Variants in LRMDA observed in about 807,000 individuals in gnomAD.
The protein encoded by LRMDA is leucine rich melanocyte differentiation associated.
A neutral mutation model predicts 29.8 loss-of-function variants in LRMDA; 18 were observed. That is an observed-to-expected ratio of 0.60 (90% CI 0.42 to 0.90). LRMDA has a LOEUF of 0.90. Among genes scored for constraint, LRMDA ranks in the 40% least tolerant of loss-of-function variants. LRMDA has a pLI of 0.00. For synonymous variants in LRMDA, 125 were observed against 109.4 expected, an observed-to-expected ratio of 1.14 and a Z score of -0.89; for missense variants, 273 against 273.9, an observed-to-expected ratio of 1.00 and a Z score of 0.02.
At chr10:76,537,614 C>G (rs939726204) in intron 6 of LRMDA, among the ~76,000 whole-genome samples, 3 of 152,212 alleles carry the variant, frequency 2.0e-5, no homozygotes, top group Non-Finnish European at 4.4e-5. Context: ...ACCGCTCTGA[C>G]GGCTTTTCCA....
intron 2 of LRMDA, among the ~76,000 whole-genome samples, chr10:76,016,096 T>C (rs1227631964): frequency 6.6e-6 from 1 of 152,240 alleles, no homozygotes; most frequent in African/African-American, 2.4e-5. Context: ...TTTCCACACG[T>C]CGACATCTTG....
intron 2 of LRMDA, among the ~76,000 whole-genome samples, chr10:75,879,011 G>A (rs1845248319): frequency 6.6e-6 from 1 of 152,136 alleles, no homozygotes; most frequent in Non-Finnish European, 1.5e-5. Context: ...CACTTACCTA[G>A]GTCTGCTGTC....
intron 2 of LRMDA, among the ~76,000 whole-genome samples, chr10:76,020,500 A>G (rs1847955805): frequency 6.6e-6 from 1 of 152,222 alleles, no homozygotes; most frequent in Admixed American, 6.5e-5. Context: ...TTGAACCTCC[A>G]GATTGGAAAT....
At chr10:75,554,954 G>C (rs953804451) in intron 2 of LRMDA, among the ~76,000 whole-genome samples, 1 of 152,200 alleles carries the variant, frequency 6.6e-6, no homozygotes, top group African/African-American at 2.4e-5. Context: ...CAGAATATCA[G>C]CCAGGGTGGA....
At chr10:75,898,481 G>A (rs1199768884) in intron 2 of LRMDA, among the ~76,000 whole-genome samples, 1 of 152,122 alleles carries the variant, frequency 6.6e-6, no homozygotes, top group Non-Finnish European at 1.5e-5. Context: ...CTGATGCAAA[G>A]TCCAGGTGAG....
chr10:76,518,134 T>G (rs2132358003), intron 6 of LRMDA, among the ~76,000 whole-genome samples: 1 of 151,928 alleles, frequency 6.6e-6, no homozygotes, highest in South Asian at 2.1e-4. Context: ...CAACTATATA[T>G]CCTTTAAAAT....
At chr10:76,133,400 C>A (rs574614937) in intron 5 of LRMDA, among the ~76,000 whole-genome samples, 3 of 152,178 alleles carry the variant, frequency 2.0e-5, no homozygotes, top group African/African-American at 7.2e-5. Context: ...TTAAGCGTCA[C>A]TTAGGCAGAA....
chr10:75,796,373 A>G (rs981798977), intron 2 of LRMDA, among the ~76,000 whole-genome samples: 1 of 152,186 alleles, frequency 6.6e-6, no homozygotes, highest in Non-Finnish European at 1.5e-5. Context: ...TTCCTAGTTT[A>G]TCATGAATGG....
At chr10:76,037,336 G>A (rs1411796495) in intron 3 of LRMDA, among the ~76,000 whole-genome samples, 2 of 152,212 alleles carry the variant, frequency 1.3e-5, no homozygotes, top group Admixed American at 6.5e-5. Flanking sequence ...CATACAATAA[G>A]TTAGAAATAG....
At chr10:75,597,717 T>C (rs1365722397) in intron 2 of LRMDA, among the ~76,000 whole-genome samples, 3 of 152,150 alleles carry the variant, frequency 2.0e-5, no homozygotes, top group Non-Finnish European at 2.9e-5. Flanking sequence ...TGAATTTTTA[T>C]TCAAAGTTAT....
At chr10:76,150,467 T>C (rs112477131) in intron 5 of LRMDA, among the ~76,000 whole-genome samples, 2 of 152,290 alleles carry the variant, frequency 1.3e-5, no homozygotes, top group African/African-American at 4.8e-5. Context: ...GCCAGGAAAC[T>C]CCCTCAGCAA....
intron 2 of LRMDA, among the ~76,000 whole-genome samples, chr10:75,664,639 A>C (rs1382675442): frequency 2.0e-5 from 3 of 152,134 alleles, no homozygotes; most frequent in African/African-American, 4.8e-5. Context: ...CCTAAGCTGG[A>C]GTTTGGAGGA....
chr10:75,601,133 A>G (rs1840880476), intron 2 of LRMDA: 1 of 152,162 alleles, frequency 6.6e-6, no homozygotes. Context: ...TCAAACATTC[A>G]AGGGTTTGTA....
intron 2 of LRMDA, among the ~76,000 whole-genome samples, chr10:75,791,974 C>T (rs1324934941): frequency 6.6e-6 from 1 of 150,834 alleles, no homozygotes. Flanking sequence ...ATTCTCCTGC[C>T]TCAGCCTCTT....
intron 2 of LRMDA, among the ~76,000 whole-genome samples, chr10:75,640,616 G>C (rs1841440420): frequency 6.6e-6 from 1 of 152,164 alleles, no homozygotes; most frequent in African/African-American, 2.4e-5. Context: ...ATAAATCAGG[G>C]AGGGAAATAA....
At chr10:76,045,630 G>C (rs922232031) in intron 3 of LRMDA, among the ~76,000 whole-genome samples, 11 of 152,096 alleles carry the variant, frequency 7.2e-5, no homozygotes, top group African/African-American at 2.7e-4. Flanking sequence ...TTAGTTTGGA[G>C]AATAAAAGAT....
chr10:76,105,131 T>C (rs2132106944), intron 5 of LRMDA, among the ~76,000 whole-genome samples: 1 of 152,276 alleles, frequency 6.6e-6, no homozygotes, highest in African/African-American at 2.4e-5. Context: ...GCCTCCTTCA[T>C]CTTGGTCTGT....
At chr10:76,275,292 T>C (rs542127967) in intron 5 of LRMDA, among the ~76,000 whole-genome samples, 1 of 151,980 alleles carries the variant, frequency 6.6e-6, no homozygotes, top group Non-Finnish European at 1.5e-5. Flanking sequence ...TGTCTAGAGA[T>C]TTTTTTCCCC....
At chr10:76,297,440 G>C (rs1840425400) in intron 5 of LRMDA, among the ~76,000 whole-genome samples, 1 of 152,226 alleles carries the variant, frequency 6.6e-6, no homozygotes, top group African/African-American at 2.4e-5. Flanking sequence ...TGGATTTGAA[G>C]TTAAAGCAGA....
Sources: gnomAD v4.1 joint callset for allele counts (sites outside exome capture counted in the v4.1 genomes callset) on GRCh38, gnomAD v4.1.1 for gene constraint, MANE v1.5 for transcripts, NCBI Gene and HGNC (gene_info 2026-07-23, HGNC 2026-07-21) for gene names.